The following BEST3 variants were observed in gnomAD, a reference collection of about 807,000 sequenced individuals.
BEST3 encodes the protein bestrophin-3.
A neutral mutation model predicts 47.1 loss-of-function variants in BEST3; 50 were observed. The ratio of observed to expected loss-of-function variants is 1.06; its 90% CI spans 0.85 to 1.34. The LOEUF (loss-of-function observed/expected upper bound fraction) is 1.34, where lower values mean the gene tolerates loss of function less well. Among genes scored for constraint, BEST3 ranks in the 40% most tolerant of loss-of-function variants. The pLI, the probability that BEST3 is intolerant of heterozygous loss-of-function variation, is 0.00. For synonymous variants in BEST3, 282 were observed against 298.8 expected (o/e 0.94, Z 0.58); for missense variants, 765 against 817.0 (o/e 0.94, Z 0.78).
At chr12:69,660,887 C>T (rs1883832072) in intron 9 of BEST3, 1 of 152,106 alleles carries the variant, frequency 6.6e-6, no homozygotes, top group Admixed American at 6.6e-5. Context: ...ATAAAAAACC[C>T]AAATTTCAAA....
At chr12:69,658,481 A>G (rs1411511303) in intron 9 of BEST3, among the ~76,000 whole-genome samples, 1 of 152,166 alleles carries the variant, frequency 6.6e-6, no homozygotes, top group African/African-American at 2.4e-5. Flanking sequence ...AGAAGACCCT[A>G]TTGTACCTTC....
chr12:69,694,674 TA>T lies in BEST3; in HGVS notation c.153-211del, dbSNP rs1269314172. On this transcript the variant is annotated intron_variant, in intron 2 of 9. Transcript: ENST00000330891. ...CTAACATTTTGTAAACATGATTGGC[TA>T]TTAAATAGTGGGATTAATTAATCAT... Among the ~76,000 whole-genome samples the T allele has an allele frequency of 3.3e-5, 5 of 152,352 alleles. No homozygotes were observed. In the East Asian group the frequency reaches 9.6e-4, roughly 29 times the overall value.
chr12:69,646,849 G>A (rs1030150762), intron 9 of BEST3, among the ~76,000 whole-genome samples: 6 of 152,198 alleles, frequency 3.9e-5, no homozygotes, highest in Admixed American at 2.0e-4. Flanking sequence ...TTTGGAGTCA[G>A]TAGGGTCCAG....
At chr12:69,689,480 A>C (rs190215619) in intron 4 of BEST3, among the ~76,000 whole-genome samples, 353 of 152,334 alleles carry the variant, frequency 2.3e-3, no homozygotes, top group Non-Finnish European at 4.2e-3. Context: ...TCCAGTATTT[A>C]CAAGCACCAA....
chr12:69,652,188 T>C (rs1883232539), downstream of BEST3, among the ~76,000 whole-genome samples: 1 of 152,148 alleles, frequency 6.6e-6, no homozygotes, highest in Non-Finnish European at 1.5e-5. Context: ...ACGCAACAAA[T>C]AGAGCTTGGC....
rs374199228 is a variant in BEST3 at position 69,693,750 on chromosome 12, G to A, written c.405C>T (p.Thr135=). ...RRTLMRYVNL[T]SLLIFRSVST... Reference sequence around the variant, plus strand: ...TCACCGAGCGAAAGATGAGCAGGGAGGTGAGATTGACGTAGCGCATCAGCG... The same window carrying A: ...TCACCGAGCGAAAGATGAGCAGGGAAGTGAGATTGACGTAGCGCATCAGCG... Residue 135 remains threonine, a synonymous_variant, in exon 4 of 10, where the codon ACC becomes ACT. Transcript: ENST00000330891. 146 of 1,614,068 alleles carry A rather than the reference G, an allele frequency of 9.0e-5. No homozygotes were observed. The highest frequency in any genetic ancestry group is 1.2e-4 in the Non-Finnish European group (138 of 1,180,044).
In BEST3 at chr12:69,660,503, TG is replaced by T. The variant is rs1251213461; in HGVS notation, c.1101-4691del. 6 of 152,178 alleles carry T rather than the reference TG, an allele frequency of 3.9e-5. No homozygotes were observed. In the East Asian group the frequency reaches 1.2e-3, roughly 29 times the overall value. 9.4% of individuals were successfully genotyped at this position (152,178 alleles called of 1,614,324 possible). A position where few individuals can be genotyped will look rare whatever the true frequency, so the allele number is the denominator to read the frequency against. On this transcript the variant is annotated intron_variant, in intron 9 of 9. Coordinates refer to ENST00000330891, the MANE Select transcript of BEST3 (RefSeq NM_032735.3). The stretch of plus-strand genomic sequence containing the variant: ...AGGAAATATAAGAACTGGAAGAAGC[TG>T]GGTTATTTGAGGGAAGGAAGAGAGG...
Position 69,655,831 on chromosome 12 carries a change from A to G in BEST3, c.1101-18T>C. Reference sequence around the variant, plus strand: ...CAGACAGCCTGAAACACACAATGACAAGATCCAGGCAGAGTAGCTTCGGGG... The same window carrying G: ...CAGACAGCCTGAAACACACAATGACGAGATCCAGGCAGAGTAGCTTCGGGG... On this transcript the variant is annotated intron_variant, in intron 9 of 9. Transcript: ENST00000330891. 1.9e-6 allele frequency: 3 copies of G among 1,590,814 alleles called. No individual in the cohort carries two copies. Among genetic ancestry groups the G allele is most frequent in the Non-Finnish European group, 2.6e-6 (3 of 1,165,858 alleles).
chr12:69,670,670 A>G, intron 9 of BEST3: 1 of 626,720 alleles, frequency 1.6e-6, no homozygotes, highest in South Asian at 2.0e-5. Flanking sequence ...CACTGCACAA[A>G]TCCGCTTACA....
chr12:69,692,458 G>A (rs1885960673), intron 4 of BEST3, among the ~76,000 whole-genome samples: 1 of 152,124 alleles, frequency 6.6e-6, no homozygotes. Flanking sequence ...TCTCCTTTGA[G>A]GCACAAGAGA....
At chr12:69,685,099 C>G (rs1885501161) in intron 4 of BEST3, among the ~76,000 whole-genome samples, 1 of 151,852 alleles carries the variant, frequency 6.6e-6, no homozygotes, top group Non-Finnish European at 1.5e-5. Context: ...TTTAAGAATC[C>G]CATAATGAGT....
chr12:69,645,114 G>A (rs1336102210), intron 9 of BEST3, among the ~76,000 whole-genome samples: 4 of 152,140 alleles, frequency 2.6e-5, no homozygotes, highest in African/African-American at 4.8e-5. Context: ...TTGATGAAAT[G>A]CCAGGGTGAA....
intron 4 of BEST3, among the ~76,000 whole-genome samples, chr12:69,682,252 A>C (rs1300834408): frequency 6.6e-6 from 1 of 152,166 alleles, no homozygotes; most frequent in Non-Finnish European, 1.5e-5. Context: ...TGTGCAGAAA[A>C]TTCTGACACA....
At chr12:69,670,678 A>T (rs1029280571) in intron 9 of BEST3, 2 of 591,492 alleles carry the variant, frequency 3.4e-6, no homozygotes, top group Admixed American at 4.7e-5. Flanking sequence ...AAATCCGCTT[A>T]CAGCAGGCCT....
intron 9 of BEST3, chr12:69,660,921 A>C (rs192531325): frequency 8.1e-4 from 123 of 152,336 alleles, no homozygotes; most frequent in African/African-American, 2.2e-3. Flanking sequence ...ACCTACACAA[A>C]CATCAGCCCC....
In BEST3 at chr12:69,655,800, C is replaced by G. The variant is rs755600738; in HGVS notation, c.1114G>C (p.Asp372His). Residue 372 changes from aspartate (D) to histidine (H), a missense_variant, in exon 10 of 10, where the codon GAC becomes CAC. Asp to His is a moderately conservative substitution (Grantham distance 81, BLOSUM62 -1). Transcript: ENST00000330891. The stretch of plus-strand genomic sequence containing the variant: ...CACAGCCACTCCTCGTCAGGAAAGT[C>G]GGACCCAGACAGCCTGAAACACACA... Reference protein sequence around the residue: ...STVQMGLSGSDFPDEEWLWDY... With the variant: ...STVQMGLSGSHFPDEEWLWDY... 4.4e-6 allele frequency: 7 copies of G among 1,606,804 alleles called. No individual in the cohort carries two copies. Among genetic ancestry groups the G allele is most frequent in the African/African-American group, 1.3e-5 (1 of 74,780 alleles).
intron 5 of BEST3, 100 bp downstream of exon 5, chr12:69,678,639 G>C: frequency 8.6e-7 from 1 of 1,156,440 alleles, no homozygotes; most frequent in East Asian, 2.4e-5. Context: ...TCTGGAACCA[G>C]GACTGAACAA....
intron 5 of BEST3, among the ~76,000 whole-genome samples, chr12:69,678,327 G>A (rs1047786085): frequency 2.0e-5 from 3 of 151,828 alleles, no homozygotes; most frequent in Non-Finnish European, 4.4e-5. Flanking sequence ...GCTTAACCTC[G>A]CGATATTCCA....
chr12:69,661,401 C>G (rs751825257), intron 9 of BEST3: 1 of 152,200 alleles, frequency 6.6e-6, no homozygotes, highest in Non-Finnish European at 1.5e-5. Context: ...AATTCTACTT[C>G]TCACTGCAGA....
Sources: allele counts gnomAD v4.1 joint callset (sites outside exome capture counted in the v4.1 genomes callset), GRCh38; gene constraint gnomAD v4.1.1; transcripts MANE v1.5; gene names NCBI Gene and HGNC (gene_info 2026-07-23, HGNC 2026-07-21).